The following PTBP2 variants were observed in gnomAD, a reference collection of about 807,000 sequenced individuals.
PTBP2 encodes the protein polypyrimidine tract-binding protein 2.
A neutral mutation model predicts 61.4 loss-of-function variants in PTBP2; 13 were observed. The ratio of observed to expected loss-of-function variants is 0.21; its 90% CI spans 0.14 to 0.34. PTBP2 has a LOEUF of 0.34. PTBP2 is among the 10% of genes least tolerant of loss of function. The probability of loss-of-function intolerance (pLI) is 1.00; values close to 1 mark genes in which losing one functional copy is unlikely to be tolerated. For synonymous variants in PTBP2, 215 were observed against 218.5 expected, an observed-to-expected ratio of 0.98 and a Z score of 0.14; for missense variants, 405 against 642.6, an observed-to-expected ratio of 0.63 and a Z score of 4.00.
intron 3 of PTBP2, among the ~76,000 whole-genome samples, chr1:96,756,865 C>T (rs1368269906): frequency 2.6e-5 from 4 of 152,120 alleles, no homozygotes; most frequent in Non-Finnish European, 4.4e-5. Flanking sequence ...AGATACATGT[C>T]ATACATTTTT....
chr1:96,761,267 G>T (rs771995043), intron 3 of PTBP2, among the ~76,000 whole-genome samples: 2 of 152,082 alleles, frequency 1.3e-5, no homozygotes, highest in Non-Finnish European at 2.9e-5. Context: ...TCCAGTAGTT[G>T]TGTCTTGCTG....
intron 2 of PTBP2, among the ~76,000 whole-genome samples, chr1:96,741,951 T>C (rs549981711): frequency 1.3e-5 from 2 of 152,208 alleles, no homozygotes; most frequent in African/African-American, 2.4e-5. Context: ...AGTACAACAG[T>C]GTCTTAATTA....
intron 3 of PTBP2, among the ~76,000 whole-genome samples, chr1:96,759,063 T>C (rs1045155037): frequency 6.6e-6 from 1 of 151,980 alleles, no homozygotes; most frequent in East Asian, 1.9e-4. Context: ...AGACAAAATA[T>C]CAGGAAAAAA....
At chr1:96,764,454 A>G (rs944232771) in intron 3 of PTBP2, among the ~76,000 whole-genome samples, 7 of 152,232 alleles carry the variant, frequency 4.6e-5, no homozygotes, top group African/African-American at 1.4e-4. Flanking sequence ...CTTTGTAGCT[A>G]CGGAACTGGA....
chr1:96,804,267 T>C (rs550724759), intron 8 of PTBP2, among the ~76,000 whole-genome samples: 18 of 152,326 alleles, frequency 1.2e-4, no homozygotes, highest in African/African-American at 4.3e-4. Flanking sequence ...AGATTTTCTT[T>C]ATTTGCATGA....
chr1:96,819,835 A>G (rs575867512), downstream of PTBP2: 3 of 151,896 alleles, frequency 2.0e-5, no homozygotes, highest in East Asian at 1.9e-4. Flanking sequence ...ATATTCAACT[A>G]TGGTGGAGGG....
chr1:96,817,393 C>T (rs1003239193), downstream of PTBP2: 5 of 151,886 alleles, frequency 3.3e-5, no homozygotes, highest in East Asian at 5.8e-4. Context: ...AATTTTAAAC[C>T]GTAATATTCA....
chr1:96,784,463 G>T (rs1476770767), intron 7 of PTBP2, among the ~76,000 whole-genome samples: 1 of 152,140 alleles, frequency 6.6e-6, no homozygotes, highest in African/African-American at 2.4e-5. Context: ...TTTCGGGAAT[G>T]ACATTGGATT....
chr1:96,822,282 G>A (rs949706304), exon 14 of PTBP2: 1 of 152,200 alleles, frequency 6.6e-6, no homozygotes, highest in Non-Finnish European at 1.5e-5. Flanking sequence ...GGAGGTAAGT[G>A]TTGGGGACAC....
chr1:96,744,235 A>G (rs191442887), intron 2 of PTBP2, among the ~76,000 whole-genome samples: 1 of 152,230 alleles, frequency 6.6e-6, no homozygotes, highest in African/African-American at 2.4e-5. Flanking sequence ...AAACAAAACC[A>G]TGTATATATG....
At chr1:96,791,042 A>G (rs1570959794) in intron 8 of PTBP2, among the ~76,000 whole-genome samples, 5 of 150,956 alleles carry the variant, frequency 3.3e-5, no homozygotes, top group Admixed American at 3.3e-4. Context: ...CCAGGTATGC[A>G]TGTTATTTAT....
At chr1:96,751,207 G>A (rs1385321061) in intron 2 of PTBP2, 3 of 611,938 alleles carry the variant, frequency 4.9e-6, no homozygotes, top group African/African-American at 3.7e-5. Context: ...ATTGTCTTTT[G>A]GGCTTAGAGT....
intron 3 of PTBP2, among the ~76,000 whole-genome samples, chr1:96,760,985 G>A (rs1293502977): frequency 6.6e-6 from 1 of 152,168 alleles, no homozygotes; most frequent in African/African-American, 2.4e-5. Context: ...ATGGTTAGTA[G>A]TACATGCGAA....
intron 8 of PTBP2, among the ~76,000 whole-genome samples, chr1:96,803,706 T>TG (rs1661243348): frequency 6.6e-6 from 1 of 152,044 alleles, no homozygotes; most frequent in Non-Finnish European, 1.5e-5. Flanking sequence ...AAACCAAAGG[T>TG]AACAGCAGAT....
At chr1:96,808,715 T>C (rs945112731) in intron 11 of PTBP2, among the ~76,000 whole-genome samples, 2 of 152,122 alleles carry the variant, frequency 1.3e-5, no homozygotes, top group East Asian at 3.8e-4. Flanking sequence ...AATTCATCAT[T>C]TCTCATTGCT....
At chr1:96,725,777 G>A (rs1428585650) in intron 2 of PTBP2, among the ~76,000 whole-genome samples, 1 of 151,976 alleles carries the variant, frequency 6.6e-6, no homozygotes, top group African/African-American at 2.4e-5. Flanking sequence ...ACTGATGCAT[G>A]TGCATATTTA....
At chr1:96,791,826 C>CTTTTTTTTTTTTTTTTTTTGTTTTTT (rs1659839308) in intron 8 of PTBP2, among the ~76,000 whole-genome samples, 1 of 66,128 alleles carries the variant, frequency 1.5e-5, no homozygotes, top group Non-Finnish European at 2.6e-5. Context: ...TGGAGTTGTG[C>CTTTTTTTTTTTTTTTTTTTGTTTTTT]TTTTTTTTTT....
intron 8 of PTBP2, among the ~76,000 whole-genome samples, chr1:96,791,835 T>G (rs28738774): frequency 2.4e-3 from 72 of 30,448 alleles, no homozygotes; most frequent in African/African-American, 4.0e-3. Context: ...GCTTTTTTTT[T>G]TTTTTTTTTT....
At position 96,813,298 on chromosome 1, in the gene PTBP2, C is replaced by A; in HGVS notation, c.1489C>A (p.Gln497Lys). 1 of 1,603,486 alleles carries A rather than the reference C, an allele frequency of 6.2e-7. No individual in the cohort carries two copies. The highest frequency in any genetic ancestry group is 8.5e-7 in the Non-Finnish European group (1 of 1,176,912). ...AAGAGATCACAAAATGGCTCTTCTT[C>A]AGATGGCAACAGTGGAAGAAGCTAT... Reference protein sequence around the residue: ...FFQDHKMALLQMATVEEAIQA... With the variant: ...FFQDHKMALLKMATVEEAIQA... Residue 497 changes from glutamine (Q) to lysine (K), a missense_variant, in exon 14 of 14, where the codon CAG (glutamine) becomes AAG (lysine). Physicochemically the swap from Gln to Lys is moderately conservative, Grantham distance 53. Around this residue, in one of 4 missense-constraint regions of PTBP2, gnomAD observed 21 missense variants for 54.1 expected, o/e 0.39. Transcript: ENST00000674951.
Sources: allele counts gnomAD v4.1 joint callset (sites outside exome capture counted in the v4.1 genomes callset), GRCh38; gene constraint gnomAD v4.1.1; regional missense constraint gnomAD v4.1.1; transcripts MANE v1.5; gene names NCBI Gene and HGNC (gene_info 2026-07-23, HGNC 2026-07-21).